Variants in WDR64 observed in about 807,000 individuals in gnomAD.
WDR64 encodes the protein WD repeat domain 64.
A neutral mutation model predicts 139.3 loss-of-function variants in WDR64; 112 were observed. The observed-to-expected ratio is 0.80, with a 90% CI of 0.69 to 0.94. The LOEUF (loss-of-function observed/expected upper bound fraction) is 0.94, where lower values mean the gene tolerates loss of function less well. Ranked by LOEUF, WDR64 falls within the 40% of genes least tolerant of loss-of-function variation. WDR64 has a pLI of 0.00. For synonymous variants in WDR64, 444 were observed against 437.7 expected (o/e 1.01, Z -0.18); for missense variants, 1,206 against 1,293.1 (o/e 0.93, Z 1.03).
chr1:241,783,793 C>G (rs1198762053), intron 23 of WDR64, among the ~76,000 whole-genome samples: 1 of 152,084 alleles, frequency 6.6e-6, no homozygotes, highest in African/African-American at 2.4e-5. Flanking sequence ...ATGTCATTGA[C>G]TCTGTGATGG....
At chr1:241,773,495 A>G (rs1658538446) in intron 20 of WDR64, among the ~76,000 whole-genome samples, 1 of 152,026 alleles carries the variant, frequency 6.6e-6, no homozygotes, top group Non-Finnish European at 1.5e-5. Context: ...TTTAAGATGG[A>G]GTCTCTCTCT....
At chr1:241,708,154 T>C (rs111956449) in intron 8 of WDR64, among the ~76,000 whole-genome samples, 2 of 152,200 alleles carry the variant, frequency 1.3e-5, no homozygotes, top group Admixed American at 6.5e-5. Context: ...CCAGGGGGTA[T>C]GCAAGATGAT....
intron 15 of WDR64, among the ~76,000 whole-genome samples, chr1:241,762,332 T>A (rs1033065163): frequency 6.6e-6 from 1 of 152,146 alleles, no homozygotes; most frequent in Non-Finnish European, 1.5e-5. Flanking sequence ...AAAGTAGCTG[T>A]ATATGTTGAA....
At chr1:241,701,170 C>T (rs1475225914) in intron 8 of WDR64, among the ~76,000 whole-genome samples, 4 of 152,178 alleles carry the variant, frequency 2.6e-5, no homozygotes, top group South Asian at 2.1e-4. Context: ...ATACCTTTTG[C>T]GGGGAGTAAC....
chr1:241,795,123 GAC>G, intron 25 of WDR64, 82 bp from the exon 26 acceptor site: 2 of 1,183,666 alleles, frequency 1.7e-6, no homozygotes, highest in Admixed American at 1.9e-5. Context: ...TCTAATAAGT[GAC>G]AGAGTCAGGA....
Position 241,674,629 on chromosome 1 carries a change from T to C in WDR64, c.380-15T>C. 6.7e-7 allele frequency: 1 copy of C among 1,497,518 alleles called. No individual in the cohort carries two copies. Among genetic ancestry groups the C allele is most frequent in the Non-Finnish European group, 9.0e-7 (1 of 1,105,414 alleles). The allele number at this position is 1,497,518 out of a possible 1,614,324, so 92.8% of individuals were successfully genotyped here. ...TTACTGCTGAAAGTTGAAATGAATATTATGCTGTTGACAGGTAGTAGAAGA... is the reference window on the plus strand; with the variant it reads ...TTACTGCTGAAAGTTGAAATGAATACTATGCTGTTGACAGGTAGTAGAAGA... On this transcript the variant is annotated splice_polypyrimidine_tract_variant and intron_variant, in intron 3 of 27. Transcript: ENST00000437684.
rs1658392988 is a variant in WDR64, at chr1:241,770,631, C to G, written c.2194C>G (p.Gln732Glu). 1 of 1,551,228 alleles carries G rather than the reference C, an allele frequency of 6.4e-7. No individual in the cohort carries two copies. The highest frequency in any genetic ancestry group is 1.4e-5 in the African/African-American group (1 of 73,010). ...RTPECARRSSQDSICSSSQCE... is the reference protein window; with the variant it reads ...RTPECARRSSEDSICSSSQCE... Reference sequence around the variant, plus strand: ...CCACTCCCCTTATAGGAGATCAAGTCAGGATTCCATATGTTCTTCATCCCA... The same window carrying G: ...CCACTCCCCTTATAGGAGATCAAGTGAGGATTCCATATGTTCTTCATCCCA... Residue 732 changes from glutamine to glutamate, a missense_variant, in exon 18 of 28, where the codon CAG (glutamine) becomes GAG (glutamate). Physicochemically the swap from Gln to Glu is conservative, Grantham distance 29. Transcript: ENST00000437684.
At chr1:241,789,913 T>C (rs1317218164) in intron 24 of WDR64, among the ~76,000 whole-genome samples, 6 of 152,328 alleles carry the variant, frequency 3.9e-5, no homozygotes, top group African/African-American at 1.4e-4. Context: ...TATGACTTTC[T>C]AAATATATAC....
In WDR64 at chr1:241,795,299, T is replaced by C. The variant is rs1000729701; in HGVS notation, c.3078+12T>C. 6.2e-6 allele frequency: 10 copies of C among 1,608,432 alleles called. No homozygotes were observed. In the African/African-American group the frequency reaches 1.3e-4, roughly 22 times the overall value. ...TGCCTATATACAGTGTGAGTTGGAG[T>C]TTCTAGGAGTAGAGGGGTCACAGAA... is the stretch of plus-strand genomic sequence containing the variant. On this transcript the variant is annotated intron_variant, in intron 26 of 27. Transcript: ENST00000437684.
At chr1:241,726,267 AT>A (rs374895909) in intron 10 of WDR64, among the ~76,000 whole-genome samples, 9 of 149,586 alleles carry the variant, frequency 6.0e-5, no homozygotes, top group Middle Eastern at 3.4e-3. Context: ...AATAAAATTA[AT>A]TTTTAAAAAA....
At chr1:241,687,287 G>C (rs977437226) in intron 7 of WDR64, among the ~76,000 whole-genome samples, 174 bp from the exon 8 acceptor site, 4 of 143,490 alleles carry the variant, frequency 2.8e-5, no homozygotes, top group African/African-American at 5.2e-5. Flanking sequence ...GCCTAGGCGA[G>C]AGAGCAAGAC....
chr1:241,788,143 C>A, intron 24 of WDR64, 109 bp downstream of exon 24: 2 of 987,754 alleles, frequency 2.0e-6, no homozygotes, highest in African/African-American at 1.7e-5. Context: ...CAGAACTTTT[C>A]AATAATTTTG....
chr1:241,652,711 T>C (rs1665408534), intron 1 of WDR64, 82 bp downstream of exon 1: 2 of 1,487,154 alleles, frequency 1.3e-6, no homozygotes, highest in Admixed American at 4.5e-5. Context: ...GAGAGAAGCA[T>C]CAGAGCTTAA....
chr1:241,726,618 C>A (rs1668851590), intron 10 of WDR64, among the ~76,000 whole-genome samples: 1 of 151,830 alleles, frequency 6.6e-6, no homozygotes, highest in South Asian at 2.1e-4. Flanking sequence ...TCCTCATATA[C>A]AATAGAAATA....
chr1:241,681,990 C>G (rs556004392), intron 6 of WDR64, among the ~76,000 whole-genome samples: 1 of 151,628 alleles, frequency 6.6e-6, no homozygotes, highest in Admixed American at 6.6e-5. Context: ...TTTTTTTTCT[C>G]GCTAATTTGT....
rs550837372 is a variant in WDR64, at chr1:241,758,387, T to A, written c.1947+928T>A. Among the ~76,000 whole-genome samples, 28 of 151,860 alleles carry A rather than the reference T, an allele frequency of 1.8e-4. No homozygotes were observed. The South Asian group carries it at 5.7e-3, about 31-fold the overall frequency. On this transcript the variant is annotated intron_variant, in intron 15 of 27. Transcript: ENST00000437684. ...CTATTATTTTCATTCAAAGTCACCA[T>A]ACTGCCTTTCTGCTTCATTTATTAC...
In WDR64 at chr1:241,679,565, CT is replaced by C; in HGVS notation, c.595del (p.Trp199GlyfsTer16). On this transcript the variant is annotated frameshift_variant, in exon 6 of 28. Coordinates refer to ENST00000437684, the MANE Select transcript of WDR64 (RefSeq NM_001367482.1). LOFTEE classifies it high-confidence loss of function. ...VATTERTIIV[W>X]DYKAQGSSQE... ...CCACAACCGAAAGGACCATTATTGT[CT>C]GGGATTATAAAGCTCAAGGGAGCAG... The C allele has an allele frequency of 2.6e-6, 4 of 1,551,772 alleles. No homozygotes were observed. The highest frequency in any genetic ancestry group is 3.5e-6 in the Non-Finnish European group (4 of 1,146,904).
rs1258651551 is a variant in WDR64 at position 241,652,344 on chromosome 1, A to G, written c.-141A>G. The stretch of plus-strand genomic sequence containing the variant: ...GGCAACTCTTACTCCTACCCGCACT[A>G]TGGGATTTTAAGATCAAAGGAATTA... On this transcript the variant is annotated 5_prime_UTR_variant, in exon 1 of 28. It removes an upstream start codon present in the reference 5' UTR. Coordinates refer to ENST00000437684, the MANE Select transcript of WDR64 (RefSeq NM_001367482.1). 9 of 817,092 alleles carry G rather than the reference A, an allele frequency of 1.1e-5. No individual in the cohort carries two copies. The highest frequency in any genetic ancestry group is 3.5e-5 in the African/African-American group (2 of 57,750). The allele number at this position is 817,092 out of a possible 1,614,324, so 50.6% of individuals were successfully genotyped here.
In WDR64 at chr1:241,674,814, G is replaced by T. The variant is rs926332058; in HGVS notation, c.483+67G>T. 7.4e-6 allele frequency: 7 copies of T among 947,728 alleles called. No individual in the cohort carries two copies. The African/African-American group carries it at 1.0e-4, about 14-fold the overall frequency. 58.7% of individuals were successfully genotyped at this position (947,728 alleles called of 1,614,324 possible). A position where few individuals can be genotyped will look rare whatever the true frequency, so the allele number is the denominator to read the frequency against. On this transcript the variant is annotated intron_variant, in intron 4 of 27. Transcript: ENST00000437684. Reference sequence around the variant, plus strand: ...AATAACCAGGTAATTTAAAAGCTTGGATTTCTCCCCCCCTCCCTCCCTCCC... The same window carrying T: ...AATAACCAGGTAATTTAAAAGCTTGTATTTCTCCCCCCCTCCCTCCCTCCC...
Sources: allele counts gnomAD v4.1 joint callset (sites outside exome capture counted in the v4.1 genomes callset), GRCh38; gene constraint gnomAD v4.1.1; transcripts MANE v1.5; gene names NCBI Gene and HGNC (gene_info 2026-07-23, HGNC 2026-07-21).